The following EFNA5 variants were observed in gnomAD, a reference collection of about 807,000 sequenced individuals.
The protein encoded by EFNA5 is ephrin A5, also known as ephrin-A5.
In EFNA5, 5 loss-of-function variants were observed where a neutral mutation model predicts 22.9. That is an observed-to-expected ratio of 0.22 (90% CI 0.11 to 0.46). The LOEUF (loss-of-function observed/expected upper bound fraction) is 0.46. EFNA5 is among the 20% of genes least tolerant of loss of function. EFNA5 has a pLI of 0.99. For synonymous variants in EFNA5, 113 were observed against 112.2 expected, an observed-to-expected ratio of 1.01 and a Z score of -0.04; for missense variants, 237 against 293.3, an observed-to-expected ratio of 0.81 and a Z score of 1.40.
chr5:107,586,625 A>C (rs1412891159), intron 1 of EFNA5, among the ~76,000 whole-genome samples: 1 of 152,198 alleles, frequency 6.6e-6, no homozygotes, highest in Non-Finnish European at 1.5e-5. Flanking sequence ...GCGTACATTT[A>C]AAATCCAAGG....
chr5:107,466,299 G>GA (rs1749979556), intron 1 of EFNA5, among the ~76,000 whole-genome samples: 1 of 152,086 alleles, frequency 6.6e-6, no homozygotes, highest in Non-Finnish European at 1.5e-5. Context: ...ATTAAATGCT[G>GA]AGTCATTGCT....
At chr5:107,584,919 G>A (rs1057150464) in intron 1 of EFNA5, among the ~76,000 whole-genome samples, 7 of 152,202 alleles carry the variant, frequency 4.6e-5, no homozygotes, top group Admixed American at 3.9e-4. Context: ...GGTGGACAAG[G>A]TAATCAGAGT....
chr5:107,513,294 A>C (rs152556), intron 1 of EFNA5, among the ~76,000 whole-genome samples: 1 of 151,802 alleles, frequency 6.6e-6, no homozygotes, highest in Non-Finnish European at 1.5e-5. Flanking sequence ...ATCAAATAAA[A>C]GCCTGTTGGG....
intron 1 of EFNA5, among the ~76,000 whole-genome samples, chr5:107,519,895 G>C (rs952922865): frequency 2.0e-4 from 30 of 152,194 alleles, no homozygotes; most frequent in African/African-American, 7.2e-4. Flanking sequence ...GCACCACTCT[G>C]GCTGGGCCAG....
intron 2 of EFNA5, among the ~76,000 whole-genome samples, chr5:107,398,606 GA>G (rs1232973897): frequency 6.6e-6 from 1 of 152,046 alleles, no homozygotes; most frequent in East Asian, 1.9e-4. Flanking sequence ...CAGCATTCGG[GA>G]AGGCTGAGAC....
At chr5:107,455,880 T>C (rs1286726244) in intron 1 of EFNA5, among the ~76,000 whole-genome samples, 1 of 152,172 alleles carries the variant, frequency 6.6e-6, no homozygotes. Flanking sequence ...AGCATTAGCA[T>C]ATGTTGAGAA....
intron 1 of EFNA5, among the ~76,000 whole-genome samples, chr5:107,453,755 G>A (rs910321869): frequency 2.6e-5 from 4 of 152,124 alleles, no homozygotes; most frequent in Admixed American, 6.6e-5. Context: ...CAGGTGGAGC[G>A]GAGGAGGTAT....
intron 1 of EFNA5, among the ~76,000 whole-genome samples, chr5:107,445,148 G>A (rs986690913): frequency 3.9e-5 from 6 of 151,934 alleles, no homozygotes; most frequent in Admixed American, 6.6e-5. Flanking sequence ...TCAGCCTCCC[G>A]AGTAGCTTGG....
intron 1 of EFNA5, among the ~76,000 whole-genome samples, chr5:107,543,968 A>C (rs1320300110): frequency 6.6e-6 from 1 of 152,180 alleles, no homozygotes; most frequent in Non-Finnish European, 1.5e-5. Context: ...CCGTGAGGGG[A>C]CAGGAAATCA....
chr5:107,563,114 A>G (rs927012591), intron 1 of EFNA5, among the ~76,000 whole-genome samples: 1 of 152,246 alleles, frequency 6.6e-6, no homozygotes, highest in Non-Finnish European at 1.5e-5. Context: ...CTAGGGGAAG[A>G]AAACTCATTA....
At chr5:107,514,297 C>T (rs868398416) in intron 1 of EFNA5, among the ~76,000 whole-genome samples, 6 of 152,170 alleles carry the variant, frequency 3.9e-5, no homozygotes, top group Admixed American at 6.5e-5. Context: ...TTGGAGTATT[C>T]ACTTGGGAAT....
At chr5:107,595,214 AG>A (rs1749450649) in intron 1 of EFNA5, among the ~76,000 whole-genome samples, 1 of 152,126 alleles carries the variant, frequency 6.6e-6, no homozygotes, top group Non-Finnish European at 1.5e-5. Context: ...TTAGAATGAA[AG>A]GCAGGATGAG....
At chr5:107,604,705 G>C (rs1381594288) in intron 1 of EFNA5, among the ~76,000 whole-genome samples, 1 of 152,186 alleles carries the variant, frequency 6.6e-6, no homozygotes, top group Non-Finnish European at 1.5e-5. Flanking sequence ...ATTCATCACT[G>C]CCAGGCGTAT....
intron 1 of EFNA5, among the ~76,000 whole-genome samples, chr5:107,431,301 A>G (rs1561383159): frequency 6.6e-6 from 1 of 152,206 alleles, no homozygotes; most frequent in Non-Finnish European, 1.5e-5. Flanking sequence ...AGGATCACAT[A>G]TGCTAATCCT....
intron 4 of EFNA5, among the ~76,000 whole-genome samples, chr5:107,385,936 C>T (rs538927914): frequency 2.0e-4 from 31 of 152,048 alleles, no homozygotes; most frequent in Non-Finnish European, 3.5e-4. Flanking sequence ...GGTGAGATGC[C>T]TGCCTTAGAA....
At chr5:107,442,800 T>C (rs17159972) in intron 1 of EFNA5, among the ~76,000 whole-genome samples, 2,390 of 151,700 alleles carry the variant, frequency 0.016, 62 homozygotes, top group African/African-American at 0.055. Flanking sequence ...CTCTTTTTGG[T>C]TTTCTGGATT....
At chr5:107,385,157 T>C (rs1480298404) in intron 4 of EFNA5, among the ~76,000 whole-genome samples, 1 of 152,172 alleles carries the variant, frequency 6.6e-6, no homozygotes, top group African/African-American at 2.4e-5. Flanking sequence ...TTTTGGGCCA[T>C]TGTGCATTTT....
chr5:107,406,414 G>T (rs1748222693), intron 2 of EFNA5, among the ~76,000 whole-genome samples: 1 of 151,952 alleles, frequency 6.6e-6, no homozygotes, highest in Non-Finnish European at 1.5e-5. Flanking sequence ...GATCTCTGCA[G>T]CCTCTGGATG....
chr5:107,519,928 C>T (rs1223843774), intron 1 of EFNA5, among the ~76,000 whole-genome samples: 4 of 152,170 alleles, frequency 2.6e-5, no homozygotes, highest in Non-Finnish European at 5.9e-5. Flanking sequence ...GGAGCAACAG[C>T]GACAAAGCAC....
Sources: allele counts gnomAD v4.1 joint callset (sites outside exome capture counted in the v4.1 genomes callset), GRCh38; gene constraint gnomAD v4.1.1; transcripts MANE v1.5; gene names NCBI Gene and HGNC (gene_info 2026-07-23, HGNC 2026-07-21).